Variants in DOCK5 observed in about 807,000 individuals in gnomAD.
DOCK5 encodes the protein dedicator of cytokinesis 5.
DOCK5 carries 142 observed loss-of-function variants against 251.8 expected under a neutral mutation model. The observed-to-expected ratio is 0.56, with a 90% CI of 0.49 to 0.65. The LOEUF is 0.65. Among genes scored for constraint, DOCK5 ranks in the 30% least tolerant of loss-of-function variants. The probability of loss-of-function intolerance (pLI) is 0.00; values close to 1 mark genes in which losing one functional copy is unlikely to be tolerated. For missense variants in DOCK5, 2,111 were observed against 2,312.3 expected, an observed-to-expected ratio of 0.91 and a Z score of 1.79; for synonymous variants, 842 against 835.5, an observed-to-expected ratio of 1.01 and a Z score of -0.13.
At chr8:25,200,131 G>A (rs1054415646) in intron 1 of DOCK5, among the ~76,000 whole-genome samples, 6 of 152,156 alleles carry the variant, frequency 3.9e-5, no homozygotes, top group African/African-American at 1.4e-4. Context: ...AACTGAAATG[G>A]CAATGTGCTG....
At chr8:25,260,593 A>G (rs574679731) in intron 2 of DOCK5, among the ~76,000 whole-genome samples, 8 of 152,290 alleles carry the variant, frequency 5.3e-5, no homozygotes, top group Admixed American at 2.0e-4. Flanking sequence ...TTTGTGTGCC[A>G]GAGTCTACAA....
chr8:25,217,420 C>T (rs1802276745), intron 1 of DOCK5, among the ~76,000 whole-genome samples: 1 of 152,056 alleles, frequency 6.6e-6, no homozygotes, highest in South Asian at 2.1e-4. Context: ...GTTTGAGTCA[C>T]CATGAGTTTA....
intron 1 of DOCK5, among the ~76,000 whole-genome samples, chr8:25,204,455 T>C (rs1801952313): frequency 6.6e-6 from 1 of 152,170 alleles, no homozygotes; most frequent in Non-Finnish European, 1.5e-5. Context: ...TTCTATTACC[T>C]TCTAGATTCT....
At chr8:25,365,816 GC>G (rs1800765002) in intron 30 of DOCK5, among the ~76,000 whole-genome samples, 1 of 152,170 alleles carries the variant, frequency 6.6e-6, no homozygotes, top group Non-Finnish European at 1.5e-5. Context: ...TCAGTGCCCT[GC>G]CTCCAGGCCC....
chr8:25,369,681 AT>A, intron 34 of DOCK5, 40 bp downstream of exon 34: 1 of 1,542,354 alleles, frequency 6.5e-7, no homozygotes, highest in Non-Finnish European at 8.8e-7. Flanking sequence ...CAGTGGTGTC[AT>A]TTAGTAATAG....
intron 27 of DOCK5, among the ~76,000 whole-genome samples, chr8:25,356,015 A>G (rs1586357025): frequency 7.8e-6 from 1 of 127,546 alleles, no homozygotes; most frequent in South Asian, 2.7e-4. Flanking sequence ...ATATGGTGAA[A>G]CCCCGTCTCT....
At chr8:25,318,308 C>G (rs923192147) in intron 14 of DOCK5, among the ~76,000 whole-genome samples, 4 of 152,044 alleles carry the variant, frequency 2.6e-5, no homozygotes, top group Non-Finnish European at 5.9e-5. Flanking sequence ...CCAGGCTGGT[C>G]TCGAACTCCT....
At chr8:25,267,358 AC>A (rs1340140617) in intron 2 of DOCK5, among the ~76,000 whole-genome samples, 7 of 152,228 alleles carry the variant, frequency 4.6e-5, no homozygotes, top group African/African-American at 1.7e-4. Flanking sequence ...TCTGAATGCC[AC>A]AGTTTAAAAT....
intron 45 of DOCK5, among the ~76,000 whole-genome samples, chr8:25,397,862 G>A (rs9644096): frequency 0.35 from 53,726 of 151,676 alleles, 9,528 homozygotes; most frequent in South Asian, 0.37. Flanking sequence ...CGTACATTTC[G>A]GGACCTTTGG....
At chr8:25,276,940 A>C (rs964806469) in intron 4 of DOCK5, 11 of 152,228 alleles carry the variant, frequency 7.2e-5, no homozygotes, top group African/African-American at 2.4e-4. Flanking sequence ...GTTATGACAC[A>C]GGCGTTTTTG....
chr8:25,320,987 T>C lies in DOCK5; in HGVS notation c.1550T>C (p.Ile517Thr), dbSNP rs947261990. ...PCWYETVKVS[I>T]AIEEVTRCHI... ...TTTCTTACTATGACACAGGTATCCA[T>C]TGCTATAGAAGAAGTCACACGCTGT... The change falls in exon 16 of 52, where the codon ATT becomes ACT. Residue 517 changes from isoleucine (I) to threonine (T), a missense_variant. By Grantham distance (89) the Ile-to-Thr change is moderately conservative. Transcript: ENST00000276440. The C allele has an allele frequency of 3.7e-6, 6 of 1,613,084 alleles. No homozygotes were observed. In the African/African-American group the frequency reaches 8.0e-5, roughly 22 times the overall value.
rs569609667 is a variant in DOCK5, at chr8:25,363,271, C to T, written c.3044+130C>T. ...CTGTAAAGTGAGGATCTTCCTGCTC[C>T]AGAGGTCCTAATTTATGTGCTCGTG... On this transcript the variant is annotated intron_variant, in intron 29 of 51. Transcript: ENST00000276440. 87 of 738,830 alleles carry T rather than the reference C, an allele frequency of 1.2e-4. 1 individual carries two copies. The South Asian group carries it at 1.4e-3, about 12-fold the overall frequency. 45.8% of individuals were successfully genotyped at this position (738,830 alleles called of 1,614,324 possible). A position where few individuals can be genotyped will look rare whatever the true frequency, so the allele number is the denominator to read the frequency against.
intron 1 of DOCK5, among the ~76,000 whole-genome samples, chr8:25,228,613 TG>T (rs1261193372): frequency 1.3e-5 from 2 of 152,328 alleles, no homozygotes; most frequent in Admixed American, 1.3e-4. Flanking sequence ...GTCTTTGGGT[TG>T]TTGCCATGGG....
chr8:25,236,573 G>T (rs1273861430), intron 1 of DOCK5, among the ~76,000 whole-genome samples: 1 of 151,950 alleles, frequency 6.6e-6, no homozygotes, highest in Non-Finnish European at 1.5e-5. Flanking sequence ...AAGAAGAATT[G>T]TAACCATCTT....
At chr8:25,236,851 G>A (rs147513683) in intron 1 of DOCK5, among the ~76,000 whole-genome samples, 3 of 151,766 alleles carry the variant, frequency 2.0e-5, no homozygotes, top group East Asian at 2.0e-4. Context: ...CACCTGCCTC[G>A]GCCTCCCAAA....
rs1399807687 is a variant in DOCK5 at position 25,340,925 on chromosome 8, C to T, written c.2376C>T (p.Arg792=). The change falls in exon 23 of 52, where the codon CGC becomes CGT. Residue 792 remains arginine (R), a synonymous_variant. Transcript: ENST00000276440. Reference sequence around the variant, plus strand: ...GAGATGAGTTTAATAATTCAATTCGCCAGTTATTTCTTGCTTTCAATATGC... The same window carrying T: ...GAGATGAGTTTAATAATTCAATTCGTCAGTTATTTCTTGCTTTCAATATGC... ...KDGDEFNNSI[R]QLFLAFNMLM... 1.9e-6 allele frequency: 3 copies of T among 1,613,470 alleles called. No individual in the cohort carries two copies. Among genetic ancestry groups the T allele is most frequent in the African/African-American group, 2.7e-5 (2 of 74,884 alleles).
chr8:25,407,881 AAAAAAT>A, intron 48 of DOCK5, 96 bp from the exon 49 acceptor site: 5 of 1,292,240 alleles, frequency 3.9e-6, no homozygotes, highest in Non-Finnish European at 2.1e-6. Flanking sequence ...AAAAAAAAAA[AAAAAAT>A]AGCCTAAAGA....
chr8:25,352,318 A>G (rs551453853), intron 27 of DOCK5, among the ~76,000 whole-genome samples: 198 of 152,116 alleles, frequency 1.3e-3, no homozygotes, highest in African/African-American at 4.5e-3. Flanking sequence ...GAAAAGAGAA[A>G]AGAAAGAAAA....
At chr8:25,199,150 A>C (rs969803154) in intron 1 of DOCK5, among the ~76,000 whole-genome samples, 1 of 152,204 alleles carries the variant, frequency 6.6e-6, no homozygotes, top group Non-Finnish European at 1.5e-5. Flanking sequence ...ACTACATCAC[A>C]GGCATATTTG....
Sources: gnomAD v4.1 joint callset for allele counts (sites outside exome capture counted in the v4.1 genomes callset) on GRCh38, gnomAD v4.1.1 for gene constraint, MANE v1.5 for transcripts, NCBI Gene and HGNC (gene_info 2026-07-23, HGNC 2026-07-21) for gene names.